DCAF7: variants seen among roughly 807,000 people sequenced by gnomAD.
The protein encoded by DCAF7 is DDB1 and CUL4 associated factor 7, also known as DDB1- and CUL4-associated factor 7.
In DCAF7, 4 loss-of-function variants were observed where a neutral mutation model predicts 41.2. The ratio of observed to expected loss-of-function variants is 0.10; its 90% CI spans 0.05 to 0.22. The LOEUF is 0.22. Among genes scored for constraint, DCAF7 ranks in the 10% least tolerant of loss-of-function variants. The probability of loss-of-function intolerance (pLI) is 1.00; values close to 1 mark genes in which losing one functional copy is unlikely to be tolerated. For missense variants in DCAF7, 131 were observed against 443.2 expected (o/e 0.30, Z 6.32); for synonymous variants, 143 against 164.2 (o/e 0.87, Z 0.99).
chr17:63,566,358 G>A (rs555912610), intron 1 of DCAF7, among the ~76,000 whole-genome samples: 81 of 112,786 alleles, frequency 7.2e-4, no homozygotes, highest in Non-Finnish European at 1.3e-3. Flanking sequence ...GCAAAAGAGC[G>A]AGACTCTGTC....
chr17:63,560,173 T>G (rs950299211), intron 1 of DCAF7, among the ~76,000 whole-genome samples: 4 of 152,180 alleles, frequency 2.6e-5, no homozygotes, highest in African/African-American at 9.6e-5. Context: ...TTCAGCTAGA[T>G]TAGGAAAAAT....
chr17:63,585,083 T>C (rs1306825243), intron 5 of DCAF7, 128 bp from the exon 6 acceptor site: 7 of 703,232 alleles, frequency 1.0e-5, no homozygotes, highest in African/African-American at 1.8e-5. Context: ...ATGGAAATCC[T>C]GTCTCTAGTT....
chr17:63,551,430 G>A (rs2033253801), intron 1 of DCAF7, among the ~76,000 whole-genome samples: 1 of 151,942 alleles, frequency 6.6e-6, no homozygotes. Context: ...TGATCCCGCC[G>A]TTGTTTCCTG....
At chr17:63,561,443 T>C (rs1381042644) in intron 1 of DCAF7, among the ~76,000 whole-genome samples, 1 of 151,444 alleles carries the variant, frequency 6.6e-6, no homozygotes, top group Non-Finnish European at 1.5e-5. Context: ...GGTTAGAAAA[T>C]TACAGTTTGT....
At chr17:63,560,466 A>G (rs1165992147) in intron 1 of DCAF7, among the ~76,000 whole-genome samples, 1 of 152,226 alleles carries the variant, frequency 6.6e-6, no homozygotes, top group African/African-American at 2.4e-5. Flanking sequence ...CTAGCTTTTC[A>G]TATACTGATA....
At chr17:63,559,464 A>G (rs1168901589) in intron 1 of DCAF7, among the ~76,000 whole-genome samples, 2 of 140,494 alleles carry the variant, frequency 1.4e-5, no homozygotes, top group African/African-American at 5.3e-5. Context: ...TATATTTTTA[A>G]TAATTGGTAT....
Position 63,559,334 on chromosome 17 carries a change from C to CAT in DCAF7, c.138+8521_138+8522dup, listed in dbSNP as rs202023132. Among the ~76,000 whole-genome samples, 41 of 64,998 alleles carry CAT rather than the reference C, an allele frequency of 6.3e-4. 1 individual carries two copies. In the East Asian group the frequency reaches 0.011, roughly 17 times the overall value. 42.6% of individuals were successfully genotyped at this position (64,998 alleles called of 152,430 possible). On this transcript the variant is annotated intron_variant, in intron 1 of 6. Coordinates refer to ENST00000614556, the MANE Select transcript of DCAF7 (RefSeq NM_005828.5). ...ATATATATATATGTATATATATATA[C>CAT]ATACATATATATACGTATATATATG...
chr17:63,564,652 A>G (rs2033421466), intron 1 of DCAF7, among the ~76,000 whole-genome samples: 1 of 152,220 alleles, frequency 6.6e-6, no homozygotes, highest in Non-Finnish European at 1.5e-5. Context: ...GGTCAGGCCC[A>G]TTCTGAGGAG....
intron 4 of DCAF7, among the ~76,000 whole-genome samples, chr17:63,580,823 A>G (rs1016061265): frequency 5.3e-5 from 8 of 152,000 alleles, no homozygotes; most frequent in African/African-American, 9.7e-5. Context: ...CGCCCGGCCA[A>G]TTGCATTTTA....
In DCAF7 at chr17:63,578,562, C is replaced by T; in HGVS notation, c.231C>T (p.Ile77=). The change falls in exon 2 of 7, where the codon ATC becomes ATT. Residue 77 remains isoleucine (I), a synonymous_variant. Coordinates refer to ENST00000614556, the MANE Select transcript of DCAF7 (RefSeq NM_005828.5). ...ACCCCACCACAAAGCTCATGTGGAT[C>T]CCTGACACAAAAGGCGTCTATCCAG... is the stretch of plus-strand genomic sequence containing the variant. ...HPYPTTKLMW[I]PDTKGVYPDL... is the part of the protein sequence containing the mutation. 3.1e-6 allele frequency: 5 copies of T among 1,614,042 alleles called. No individual in the cohort carries two copies. The highest frequency in any genetic ancestry group is 1.7e-6 in the Non-Finnish European group (2 of 1,179,890).
Position 63,593,956 on chromosome 17 carries a change from G to T in DCAF7, c.*4784G>T, listed in dbSNP as rs1278431569. The T allele has an allele frequency of 2.0e-5, 3 of 152,614 alleles. No homozygotes were observed. Among genetic ancestry groups the T allele is most frequent in the African/African-American group, 4.8e-5 (2 of 41,438 alleles). 9.5% of individuals were successfully genotyped at this position (152,614 alleles called of 1,614,324 possible). A position where few individuals can be genotyped will look rare whatever the true frequency, so the allele number is the denominator to read the frequency against. Reference sequence around the variant, plus strand: ...ATAGGTTTTGTGGCATCCACGGTCAGGTGTAGAGGAAGCTGCCCCTTGCAG... The same window carrying T: ...ATAGGTTTTGTGGCATCCACGGTCATGTGTAGAGGAAGCTGCCCCTTGCAG... On this transcript the variant is annotated 3_prime_UTR_variant, in exon 7 of 7. Transcript: ENST00000614556.
rs546439127 is a variant in DCAF7 at position 63,567,121 on chromosome 17, A to T, written c.139-11349A>T. On this transcript the variant is annotated intron_variant, in intron 1 of 6. Coordinates refer to ENST00000614556, the MANE Select transcript of DCAF7 (RefSeq NM_005828.5). Reference sequence around the variant, plus strand: ...ACCTAGCACCTATTTATGCTTTTTTAAAAAAAGAAAAAACCACACACAAAT... The same window carrying T: ...ACCTAGCACCTATTTATGCTTTTTTTAAAAAAGAAAAAACCACACACAAAT... Among the ~76,000 whole-genome samples, 6 of 152,136 alleles carry T rather than the reference A, an allele frequency of 3.9e-5. No homozygotes were observed. In the South Asian group the frequency reaches 8.3e-4, roughly 21 times the overall value.
chr17:63,564,717 G>A (rs2033422312), intron 1 of DCAF7, among the ~76,000 whole-genome samples: 1 of 152,216 alleles, frequency 6.6e-6, no homozygotes, highest in South Asian at 2.1e-4. Context: ...AGAGCCATGG[G>A]ACATGTCTGA....
intron 4 of DCAF7, among the ~76,000 whole-genome samples, chr17:63,581,504 G>A (rs759312476): frequency 2.0e-5 from 3 of 152,176 alleles, no homozygotes; most frequent in South Asian, 4.1e-4. Flanking sequence ...TGGCAGAGAC[G>A]CTTCTAGGAA....
chr17:63,572,205 C>T (rs1016709514), intron 1 of DCAF7, among the ~76,000 whole-genome samples: 5 of 152,128 alleles, frequency 3.3e-5, no homozygotes, highest in African/African-American at 4.8e-5. Context: ...ACATACAACT[C>T]AAGGTAGGTA....
chr17:63,582,485 C>G (rs889042458), intron 4 of DCAF7, among the ~76,000 whole-genome samples: 1 of 127,772 alleles, frequency 7.8e-6, no homozygotes, highest in African/African-American at 3.0e-5. Context: ...TTTTTTTTTT[C>G]TTTAAGACAG....
intron 1 of DCAF7, among the ~76,000 whole-genome samples, chr17:63,553,311 T>C (rs1353523232): frequency 6.6e-6 from 1 of 152,182 alleles, no homozygotes; most frequent in Non-Finnish European, 1.5e-5. Flanking sequence ...TCACAGACAG[T>C]CATACCACTG....
intron 1 of DCAF7, among the ~76,000 whole-genome samples, chr17:63,574,559 TA>T (rs2033540732): frequency 6.6e-6 from 1 of 152,196 alleles, no homozygotes; most frequent in Non-Finnish European, 1.5e-5. Context: ...CTTAGGAATC[TA>T]CAAAAAAGCT....
chr17:63,563,148 T>C (rs893810529), intron 1 of DCAF7, among the ~76,000 whole-genome samples: 2 of 152,118 alleles, frequency 1.3e-5, no homozygotes, highest in African/African-American at 4.8e-5. Flanking sequence ...TTTCAAAACA[T>C]GACAGACAAT....
Sources: allele counts gnomAD v4.1 joint callset (sites outside exome capture counted in the v4.1 genomes callset), GRCh38; gene constraint gnomAD v4.1.1; transcripts MANE v1.5; gene names NCBI Gene and HGNC (gene_info 2026-07-23, HGNC 2026-07-21).